FAM120B: variants seen among roughly 807,000 people sequenced by gnomAD.
The protein encoded by FAM120B is family with sequence similarity 120 member B.
In FAM120B, 83 loss-of-function variants were observed where a neutral mutation model predicts 96.3. That is an observed-to-expected ratio of 0.86 (90% CI 0.72 to 1.03). The LOEUF (loss-of-function observed/expected upper bound fraction) is 1.03, where lower values mean the gene tolerates loss of function less well. Ranked by LOEUF, FAM120B falls within the 50% of genes least tolerant of loss-of-function variation. The pLI is 0.00. For missense variants in FAM120B, 1,027 were observed against 1,121.2 expected (o/e 0.92, Z 1.20); for synonymous variants, 407 against 402.7 (o/e 1.01, Z -0.13).
At chr6:170,404,501 T>C (rs1160973353) in intron 9 of FAM120B, 49 bp from the exon 10 acceptor site, 8 of 1,531,506 alleles carry the variant, frequency 5.2e-6, no homozygotes, top group Non-Finnish European at 7.2e-6. Flanking sequence ...TGTTTGTGTA[T>C]TGAGAGAGAT....
chr6:170,319,196 C>T, intron 2 of FAM120B, 72 bp downstream of exon 2: 2 of 1,413,830 alleles, frequency 1.4e-6, no homozygotes, highest in Non-Finnish European at 9.5e-7. Context: ...AGTGAAGATC[C>T]ATTACTGCCT....
In FAM120B at chr6:170,385,220, C is replaced by T. The variant is rs566385490; in HGVS notation, c.2284-3067C>T. ...TATTTGAAATTAAAATAGTACACTTCTAAATAATTCACAGGGAAAAAGCAG... is the reference window on the plus strand; with the variant it reads ...TATTTGAAATTAAAATAGTACACTTTTAAATAATTCACAGGGAAAAAGCAG... On this transcript the variant is annotated intron_variant, in intron 6 of 10. Transcript: ENST00000476287. Among the ~76,000 whole-genome samples the T allele has an allele frequency of 2.0e-3, 312 of 152,220 alleles. 2 individuals carry two copies. Among genetic ancestry groups the T allele is most frequent in the Non-Finnish European group, 3.5e-3 (239 of 68,010 alleles).
At chr6:170,305,279 T>G (rs1784243277), upstream of FAM120B, among the ~76,000 whole-genome samples, 1 of 152,234 alleles carries the variant, frequency 6.6e-6, no homozygotes, top group African/African-American at 2.4e-5. Context: ...TGAGCACTCC[T>G]TAAGACTAGA....
upstream of FAM120B, among the ~76,000 whole-genome samples, chr6:170,304,610 G>A (rs187525650): frequency 2.6e-5 from 4 of 152,246 alleles, no homozygotes; most frequent in East Asian, 1.9e-4. Context: ...AGGCCAATGA[G>A]CAGTCACCTG....
At chr6:170,395,883 A>G (rs1790698649) in intron 9 of FAM120B, among the ~76,000 whole-genome samples, 1 of 152,246 alleles carries the variant, frequency 6.6e-6, no homozygotes, top group Non-Finnish European at 1.5e-5. Context: ...TACATGTGGA[A>G]GATCCATTGT....
intron 5 of FAM120B, among the ~76,000 whole-genome samples, chr6:170,354,278 G>A (rs1339978607): frequency 6.6e-6 from 1 of 151,956 alleles, no homozygotes; most frequent in East Asian, 1.9e-4. Flanking sequence ...AACTCAAGAT[G>A]GATTAAAGAC....
chr6:170,291,049 C>G, upstream of FAM120B: 1 of 702,066 alleles, frequency 1.4e-6, no homozygotes, highest in African/African-American at 1.7e-5. Context: ...TTTCCAAACC[C>G]TCCTCTCAAT....
intron 5 of FAM120B, among the ~76,000 whole-genome samples, chr6:170,357,700 T>G (rs1788042954): frequency 6.6e-6 from 1 of 152,248 alleles, no homozygotes; most frequent in Non-Finnish European, 1.5e-5. Context: ...ACTGTCTGGC[T>G]CTAAGACCTG....
rs151020322 is a variant in FAM120B at position 170,401,653 on chromosome 6, T to C, written c.2693-2897T>C. On this transcript the variant is annotated intron_variant, in intron 9 of 10. Transcript: ENST00000476287. Reference sequence around the variant, plus strand: ...AGCTACTGATAGGAAGCAGAAAATTTATACAGGCTGAGTATCCCAAGTCTG... The same window carrying C: ...AGCTACTGATAGGAAGCAGAAAATTCATACAGGCTGAGTATCCCAAGTCTG... Among the ~76,000 whole-genome samples the C allele has an allele frequency of 2.0e-5, 3 of 152,334 alleles. No individual in the cohort carries two copies. The East Asian group carries it at 5.8e-4, about 29-fold the overall frequency.
intron 6 of FAM120B, among the ~76,000 whole-genome samples, chr6:170,387,758 A>G (rs975718944): frequency 1.3e-5 from 2 of 152,240 alleles, no homozygotes; most frequent in Admixed American, 6.5e-5. Flanking sequence ...TTTCATAACA[A>G]ATACTCATAA....
intron 1 of FAM120B, among the ~76,000 whole-genome samples, chr6:170,296,603 G>A (rs550451045): frequency 4.0e-5 from 6 of 151,786 alleles, no homozygotes; most frequent in Admixed American, 3.9e-4. Context: ...GCGAGGCGAC[G>A]GCGCACACCT....
chr6:170,290,769 T>A, upstream of FAM120B: 2 of 508,850 alleles, frequency 3.9e-6, no homozygotes, highest in Non-Finnish European at 7.0e-6. The surrounding 1 kb of genome is among the most constrained non-coding windows in gnomAD (Gnocchi z 4.7). Flanking sequence ...ACAGCAAAGA[T>A]CCGCGTCTTT....
chr6:170,290,829 G>T (rs1783846308), upstream of FAM120B: 31 of 625,146 alleles, frequency 5.0e-5, 2 homozygotes, highest in South Asian at 5.2e-4. This position sits in a 1 kb window ranked among gnomAD's most constrained non-coding sequence, Gnocchi z 4.7. Flanking sequence ...GGACCGGAGG[G>T]GCCGGGCCGT....
At chr6:170,314,607 C>T (rs936823066) in intron 1 of FAM120B, among the ~76,000 whole-genome samples, 2 of 152,116 alleles carry the variant, frequency 1.3e-5, no homozygotes, top group Admixed American at 1.3e-4. Flanking sequence ...TTATTTTCCC[C>T]AGTCATCCCA....
chr6:170,369,807 A>G (rs1789062287), intron 6 of FAM120B, among the ~76,000 whole-genome samples: 1 of 150,908 alleles, frequency 6.6e-6, no homozygotes, highest in Admixed American at 6.6e-5. Flanking sequence ...GAGCTCAGTT[A>G]CTTGGGGGTG....
chr6:170,318,962 AC>A lies in FAM120B; in HGVS notation c.1573del (p.His525ThrfsTer10). ...ISKQEDSMCT[H>X]AEINQKLPVA... ...CCAAGCAAGAAGACTCCATGTGTAC[AC>A]ACGCTGAAATCAATCAAAAATTACC... On this transcript the variant is annotated frameshift_variant, in exon 2 of 11. Coordinates refer to ENST00000476287, the MANE Select transcript of FAM120B (RefSeq NM_032448.3). LOFTEE classifies it high-confidence loss of function. 2 of 1,614,228 alleles carry A rather than the reference AC, an allele frequency of 1.2e-6. No individual in the cohort carries two copies. Among genetic ancestry groups the A allele is most frequent in the Non-Finnish European group, 1.7e-6 (2 of 1,180,032 alleles).
intron 1 of FAM120B, among the ~76,000 whole-genome samples, chr6:170,296,695 A>G (rs1468067329): frequency 6.6e-6 from 1 of 151,852 alleles, no homozygotes; most frequent in East Asian, 1.9e-4. Flanking sequence ...GCGTTCCCAG[A>G]GGAGCGCGGC....
chr6:170,304,458 G>A (rs776983668), upstream of FAM120B, among the ~76,000 whole-genome samples: 5 of 152,192 alleles, frequency 3.3e-5, no homozygotes, highest in Non-Finnish European at 7.3e-5. Flanking sequence ...CTTTCGATAC[G>A]AGAATGTATC....
At chr6:170,328,887 C>T (rs530174221) in intron 3 of FAM120B, among the ~76,000 whole-genome samples, 108 of 152,322 alleles carry the variant, frequency 7.1e-4, no homozygotes, top group South Asian at 6.4e-3. Flanking sequence ...CTGCTCCTTC[C>T]GAGACTTGCC....
Sources: allele counts gnomAD v4.1 joint callset (sites outside exome capture counted in the v4.1 genomes callset), GRCh38; gene constraint gnomAD v4.1.1; non-coding constraint Gnocchi (gnomAD v3.1); transcripts MANE v1.5; gene names NCBI Gene and HGNC (gene_info 2026-07-23, HGNC 2026-07-21).